Variants in ELF5 observed in about 807,000 individuals in gnomAD.
ELF5 encodes the protein ETS-related transcription factor Elf-5.
Under a neutral mutation model 38.2 loss-of-function variants are expected in ELF5, and 31 were observed. That is an observed-to-expected ratio of 0.81 (90% CI 0.61 to 1.10). ELF5 has a LOEUF of 1.10. Ranked by LOEUF, ELF5 falls within the 50% of genes least tolerant of loss-of-function variation. The pLI is 0.00. For missense variants in ELF5, 300 were observed against 306.6 expected (o/e 0.98, Z 0.16); for synonymous variants, 121 against 112.5 (o/e 1.08, Z -0.48).
At chr11:34,497,341 T>G (rs375489584) in intron 2 of ELF5, among the ~76,000 whole-genome samples, 2 of 152,310 alleles carry the variant, frequency 1.3e-5, no homozygotes, top group South Asian at 4.1e-4. Context: ...ATGGGCCTGG[T>G]AGGCTTGATC....
intron 1 of ELF5, among the ~76,000 whole-genome samples, chr11:34,509,683 G>A (rs1850704207): frequency 6.6e-6 from 1 of 152,164 alleles, no homozygotes; most frequent in Non-Finnish European, 1.5e-5. Flanking sequence ...AAGGGCCTCA[G>A]GAGCTGAAAG....
At chr11:34,483,950 T>C (rs565673251) in intron 4 of ELF5, among the ~76,000 whole-genome samples, 2 of 151,786 alleles carry the variant, frequency 1.3e-5, no homozygotes, top group African/African-American at 2.4e-5. Context: ...CTATATTGCA[T>C]TACACTGTAG....
chr11:34,508,288 G>T (rs752643471), intron 1 of ELF5, among the ~76,000 whole-genome samples: 4 of 152,042 alleles, frequency 2.6e-5, no homozygotes, highest in African/African-American at 4.8e-5. Flanking sequence ...GGTCACTTGA[G>T]GTCAGGAGTT....
intron 6 of ELF5, among the ~76,000 whole-genome samples, 158 bp downstream of exon 6, chr11:34,480,614 A>G (rs1856914607): frequency 6.6e-6 from 1 of 152,214 alleles, no homozygotes; most frequent in Non-Finnish European, 1.5e-5. Flanking sequence ...GTGTCAATTT[A>G]CAAACCATAA....
chr11:34,510,054 T>G (rs957680314), intron 1 of ELF5, among the ~76,000 whole-genome samples: 1 of 152,320 alleles, frequency 6.6e-6, no homozygotes, highest in Admixed American at 6.5e-5. Flanking sequence ...TAGAAATATT[T>G]TTTGATCAAT....
intron 2 of ELF5, among the ~76,000 whole-genome samples, chr11:34,502,931 G>C (rs1461675581): frequency 1.3e-5 from 2 of 152,242 alleles, no homozygotes; most frequent in African/African-American, 4.8e-5. Context: ...CCAGAGAGCT[G>C]TGTCTGAATG....
At chr11:34,512,063 C>T (rs1420074552) in intron 1 of ELF5, among the ~76,000 whole-genome samples, 6 of 152,088 alleles carry the variant, frequency 3.9e-5, no homozygotes, top group Admixed American at 6.6e-5. Flanking sequence ...TCAGTGATAC[C>T]CAAATGTCCA....
chr11:34,507,724 C>T (rs1347903715), intron 1 of ELF5, among the ~76,000 whole-genome samples: 1 of 152,208 alleles, frequency 6.6e-6, no homozygotes, highest in East Asian at 1.9e-4. Flanking sequence ...TCTGTTCACC[C>T]GAATTCTTTT....
At chr11:34,484,481 A>AACTATACTATACTAT (rs67918732) in intron 4 of ELF5, among the ~76,000 whole-genome samples, 169 of 115,916 alleles carry the variant, frequency 1.5e-3, no homozygotes, top group South Asian at 2.9e-3. Context: ...ACACTATACT[A>AACTATACTATACTAT]ACTATACTAT....
intron 1 of ELF5, among the ~76,000 whole-genome samples, chr11:34,512,630 G>A (rs1465979211): frequency 6.6e-6 from 1 of 151,346 alleles, no homozygotes; most frequent in African/African-American, 2.4e-5. Flanking sequence ...AAAGGACGGG[G>A]CATAATACAT....
At chr11:34,490,855 G>A (rs1167326922) in intron 3 of ELF5, among the ~76,000 whole-genome samples, 3 of 152,202 alleles carry the variant, frequency 2.0e-5, no homozygotes, top group Middle Eastern at 3.4e-3. Context: ...TCAGCCACGC[G>A]CCTCAGTTGA....
intron 4 of ELF5, among the ~76,000 whole-genome samples, chr11:34,488,574 A>G (rs940284598): frequency 6.6e-6 from 1 of 152,224 alleles, no homozygotes; most frequent in African/African-American, 2.4e-5. Context: ...CCTCATCCTT[A>G]TCCTCATCAT....
At chr11:34,486,173 A>G (rs2133875288) in intron 4 of ELF5, among the ~76,000 whole-genome samples, 1 of 152,252 alleles carries the variant, frequency 6.6e-6, no homozygotes, top group Non-Finnish European at 1.5e-5. Flanking sequence ...CAGTCCAGCC[A>G]TGGAGCCCAC....
chr11:34,488,923 TC>T (rs1343009903), intron 4 of ELF5, among the ~76,000 whole-genome samples: 2 of 152,110 alleles, frequency 1.3e-5, no homozygotes, highest in Non-Finnish European at 2.9e-5. Flanking sequence ...GGGATTTACA[TC>T]CCCCAGGCTG....
chr11:34,498,982 T>C (rs1285890050), intron 2 of ELF5, among the ~76,000 whole-genome samples: 1 of 151,892 alleles, frequency 6.6e-6, no homozygotes, highest in African/African-American at 2.4e-5. Flanking sequence ...TCCCAGCTAC[T>C]TGAGAGGCTG....
intron 2 of ELF5, among the ~76,000 whole-genome samples, chr11:34,495,734 G>A (rs576547397): frequency 6.6e-6 from 1 of 152,248 alleles, no homozygotes; most frequent in South Asian, 2.1e-4. Flanking sequence ...CAGGGAGCCG[G>A]TGAGACCGAT....
At chr11:34,504,584 C>A (rs1850558084) in intron 2 of ELF5, among the ~76,000 whole-genome samples, 1 of 152,208 alleles carries the variant, frequency 6.6e-6, no homozygotes, top group South Asian at 2.1e-4. Context: ...TTGCACACTG[C>A]CTGCCTCCGG....
At chr11:34,482,323 GT>G (rs1262820641) in intron 5 of ELF5, 107 bp downstream of exon 5, 1 of 995,682 alleles carries the variant, frequency 1.0e-6, no homozygotes, top group Non-Finnish European at 1.5e-6. Context: ...TCCTTGGGGA[GT>G]AACTGGTCCA....
At chr11:34,511,123 A>C (rs1564988365) in intron 1 of ELF5, among the ~76,000 whole-genome samples, 1 of 152,230 alleles carries the variant, frequency 6.6e-6, no homozygotes, top group Non-Finnish European at 1.5e-5. Flanking sequence ...CAACACATCC[A>C]AACCTGGGCA....
Sources: allele counts gnomAD v4.1 joint callset (sites outside exome capture counted in the v4.1 genomes callset), GRCh38; gene constraint gnomAD v4.1.1; transcripts MANE v1.5; gene names NCBI Gene and HGNC (gene_info 2026-07-23, HGNC 2026-07-21).